TMEM130: variants seen among roughly 807,000 people sequenced by gnomAD.
TMEM130 encodes transmembrane protein 130.
Under a neutral mutation model 42.9 loss-of-function variants are expected in TMEM130, and 37 were observed. The observed-to-expected ratio is 0.86, with a 90% CI of 0.66 to 1.13. The LOEUF (loss-of-function observed/expected upper bound fraction) is 1.13, where lower values mean the gene tolerates loss of function less well. Ranked by LOEUF, TMEM130 falls within the 50% of genes most tolerant of loss-of-function variation. The pLI is 0.00. For missense variants in TMEM130, 545 were observed against 562.6 expected (o/e 0.97, Z 0.32); for synonymous variants, 259 against 237.7 (o/e 1.09, Z -0.82).
chr7:98,869,744 G>A lies in TMEM130; in HGVS notation c.85+33C>T. On this transcript the variant is annotated intron_variant, in intron 1 of 7. Coordinates refer to ENST00000339375, the MANE Select transcript of TMEM130 (RefSeq NM_152913.3). The surrounding 1 kb of genome is among the most constrained non-coding windows in gnomAD (Gnocchi z 4.7). ...GGTTCCAGGCCCCGGGCGGGCTGCG[G>A]CTGCAGGGAGGCCGGATTGCCCAGC... 1 of 1,344,762 alleles carries A rather than the reference G, an allele frequency of 7.4e-7. No homozygotes were observed. The highest frequency in any genetic ancestry group is 9.6e-7 in the Non-Finnish European group (1 of 1,047,102). The allele number at this position is 1,344,762 out of a possible 1,614,324, so 83.3% of individuals were successfully genotyped here. A position where few individuals can be genotyped will look rare whatever the true frequency, so the allele number is the denominator to read the frequency against.
chr7:98,848,362 C>G (rs1794410558), intron 7 of TMEM130, 154 bp from the exon 8 acceptor site: 1 of 903,446 alleles, frequency 1.1e-6, no homozygotes, highest in African/African-American at 1.7e-5. Flanking sequence ...TGGCACCACA[C>G]AGATGCAAGA....
In TMEM130 at chr7:98,855,997, C is replaced by A; in HGVS notation, c.718+20G>T. 1 of 1,609,672 alleles carries A rather than the reference C, an allele frequency of 6.2e-7. No homozygotes were observed. The highest frequency in any genetic ancestry group is 1.3e-5 in the African/African-American group (1 of 75,050). ...CCACTCTGGAACGCCCAGACTGCAT[C>A]AGCCTGCCTGGACACCCACCCTGCA... On this transcript the variant is annotated intron_variant, in intron 4 of 7. Coordinates refer to ENST00000339375, the MANE Select transcript of TMEM130 (RefSeq NM_152913.3).
chr7:98,859,067 G>GA (rs2116103332), intron 3 of TMEM130, among the ~76,000 whole-genome samples: 1 of 127,226 alleles, frequency 7.9e-6, no homozygotes, highest in South Asian at 2.8e-4. Flanking sequence ...AAAGAAAAAA[G>GA]AAAAAGGAAA....
intron 6 of TMEM130, among the ~76,000 whole-genome samples, chr7:98,849,696 C>T (rs576309155): frequency 6.6e-6 from 1 of 152,278 alleles, no homozygotes; most frequent in East Asian, 1.9e-4. Flanking sequence ...TTGGCATGAG[C>T]TTGGGAGCAC....
chr7:98,861,144 C>T (rs912833232), intron 2 of TMEM130, among the ~76,000 whole-genome samples: 1 of 151,026 alleles, frequency 6.6e-6, no homozygotes, highest in Non-Finnish European at 1.5e-5. Flanking sequence ...ACCAACCTGA[C>T]TAACACAGTG....
At chr7:98,855,400 C>A in intron 4 of TMEM130, 76 bp from the exon 5 acceptor site, 1 of 1,315,750 alleles carries the variant, frequency 7.6e-7, no homozygotes. Flanking sequence ...CAGGGTGGTG[C>A]GACTGCCACC....
At chr7:98,857,818 C>T (rs1286614308) in intron 3 of TMEM130, among the ~76,000 whole-genome samples, 4 of 150,750 alleles carry the variant, frequency 2.7e-5, no homozygotes, top group Non-Finnish European at 5.9e-5. Context: ...TCCTCCTACC[C>T]GGTTCAAACG....
At chr7:98,855,440 G>T in intron 4 of TMEM130, 116 bp from the exon 5 acceptor site, 1 of 913,260 alleles carries the variant, frequency 1.1e-6, no homozygotes, top group Non-Finnish European at 1.6e-6. Flanking sequence ...TCTCCTAAGA[G>T]CAGGCCACAG....
chr7:98,851,483 A>G lies in TMEM130; in HGVS notation c.944T>C (p.Ile315Thr), dbSNP rs782155533. 5.0e-6 allele frequency: 8 copies of G among 1,614,048 alleles called. No homozygotes were observed. Among genetic ancestry groups the G allele is most frequent in the Non-Finnish European group, 6.8e-6 (8 of 1,180,006 alleles). Residue 315 changes from isoleucine (I) to threonine (T), a missense_variant, in exon 6 of 8, where the codon ATC (isoleucine) becomes ACC (threonine). By Grantham distance (89) the Ile-to-Thr change is moderately conservative (BLOSUM62 -1). Coordinates refer to ENST00000339375, the MANE Select transcript of TMEM130 (RefSeq NM_152913.3). Reference sequence around the variant, plus strand: ...CTTGCTGATGATATTCTCGGCCCGGATGCTGAAGCAGTAGTCCCCAGGGTC... The same window carrying G: ...CTTGCTGATGATATTCTCGGCCCGGGTGCTGAAGCAGTAGTCCCCAGGGTC... ...FRDPGDYCFS[I>T]RAENIISKTH...
Position 98,863,652 on chromosome 7 carries a change from C to A in TMEM130, c.86-252G>T, listed in dbSNP as rs1794839970. On this transcript the variant is annotated intron_variant, in intron 1 of 7. Transcript: ENST00000339375. Reference sequence around the variant, plus strand: ...CTCCCTCCCTCCCTCCTTCTTCCTTCCCTCCTTCCTCCTTCCCTCCTTCCT... The same window carrying A: ...CTCCCTCCCTCCCTCCTTCTTCCTTACCTCCTTCCTCCTTCCCTCCTTCCT... Among the ~76,000 whole-genome samples the A allele has an allele frequency of 3.1e-5, 4 of 130,804 alleles. No individual in the cohort carries two copies. In the Admixed American group the frequency reaches 3.1e-4, roughly 10 times the overall value. 85.8% of individuals were successfully genotyped at this position (130,804 alleles called of 152,430 possible). A position where few individuals can be genotyped will look rare whatever the true frequency, so the allele number is the denominator to read the frequency against.
rs571949059 is a variant in TMEM130, at chr7:98,847,958, G to A, written c.*98C>T. On this transcript the variant is annotated 3_prime_UTR_variant, in exon 8 of 8. Coordinates refer to ENST00000339375, the MANE Select transcript of TMEM130 (RefSeq NM_152913.3). ...GGATGATCCAGGCCAACAGCCCCACGCAAATGAACCCCTCCTGGTCAGTGG... is the reference window on the plus strand; with the variant it reads ...GGATGATCCAGGCCAACAGCCCCACACAAATGAACCCCTCCTGGTCAGTGG... The A allele has an allele frequency of 8.4e-5, 102 of 1,214,570 alleles. No homozygotes were observed. In the African/African-American group the frequency reaches 1.2e-3, roughly 14 times the overall value. 75.2% of individuals were successfully genotyped at this position (1,214,570 alleles called of 1,614,324 possible). A position where few individuals can be genotyped will look rare whatever the true frequency, so the allele number is the denominator to read the frequency against.
intron 6 of TMEM130, among the ~76,000 whole-genome samples, chr7:98,850,273 A>ATATATATATTTTTT: frequency 2.0e-4 from 7 of 35,438 alleles, no homozygotes; most frequent in African/African-American, 2.3e-4. Flanking sequence ...ATATATATAT[A>ATATATATATTTTTT]TTTTTTTTTT....
intron 3 of TMEM130, 75 bp downstream of exon 3, chr7:98,860,104 G>C: frequency 7.7e-7 from 1 of 1,306,476 alleles, no homozygotes; most frequent in East Asian, 2.6e-5. Context: ...AAGAGATTCG[G>C]AGTACCCTGC....
intron 3 of TMEM130, among the ~76,000 whole-genome samples, chr7:98,859,891 AAAAAAT>A (rs1479170448): frequency 1.3e-5 from 2 of 151,800 alleles, no homozygotes; most frequent in Non-Finnish European, 2.9e-5. Context: ...TCTCTACTAA[AAAAAAT>A]AAAAATAAAA....
intron 6 of TMEM130, among the ~76,000 whole-genome samples, chr7:98,850,707 A>C (rs1164296036): frequency 4.6e-5 from 7 of 152,054 alleles, no homozygotes; most frequent in African/African-American, 1.4e-4. Context: ...TAGCCCAGGC[A>C]TCCTTATTAA....
chr7:98,869,788 C>A lies in TMEM130; in HGVS notation c.74G>T (p.Gly25Val). 7.0e-7 allele frequency: 1 copy of A among 1,426,406 alleles called. No individual in the cohort carries two copies. The highest frequency in any genetic ancestry group is 1.4e-5 in the South Asian group (1 of 69,538). 88.4% of individuals were successfully genotyped at this position (1,426,406 alleles called of 1,614,324 possible). ...LACLLPWAPA[G>V]VAAGLYELNL... ...GCCCAGCGCCTTACCTGCGGCCACC[C>A]CTGCCGGGGCCCAGGGCAGGAGGCA... The change falls in exon 1 of 8, where the codon GGG becomes GTG. Residue 25 changes from glycine (G) to valine (V), a missense_variant. Physicochemically the swap from Gly to Val is moderately radical, Grantham distance 109. Coordinates refer to ENST00000339375, the MANE Select transcript of TMEM130 (RefSeq NM_152913.3). The surrounding 1 kb of genome is among the most constrained non-coding windows in gnomAD (Gnocchi z 4.7).
At chr7:98,858,057 T>C (rs1006526727) in intron 3 of TMEM130, among the ~76,000 whole-genome samples, 10 of 152,042 alleles carry the variant, frequency 6.6e-5, no homozygotes, top group Non-Finnish European at 5.9e-5. Flanking sequence ...CAAAAACATA[T>C]TCTAAGTTCT....
Position 98,850,250 on chromosome 7 carries a change from C to CAT in TMEM130, c.1006+1169_1006+1170dup, listed in dbSNP as rs1179088568. Among the ~76,000 whole-genome samples, 137 of 64,346 alleles carry CAT rather than the reference C, an allele frequency of 2.1e-3. 11 individuals are homozygous for CAT. Among genetic ancestry groups the CAT allele is most frequent in the Middle Eastern group, 0.022 (2 of 90 alleles). The allele number at this position is 64,346 out of a possible 152,430, so 42.2% of individuals were successfully genotyped here. A position where few individuals can be genotyped will look rare whatever the true frequency, so the allele number is the denominator to read the frequency against. On this transcript the variant is annotated intron_variant, in intron 6 of 7. Coordinates refer to ENST00000339375, the MANE Select transcript of TMEM130 (RefSeq NM_152913.3). ...TCCCTCTCTCTCTCTCTGTCTCTCT[C>CAT]ATATATATATATATATATATATATT...
chr7:98,857,640 C>A (rs1226675890), intron 3 of TMEM130, among the ~76,000 whole-genome samples: 1 of 149,528 alleles, frequency 6.7e-6, no homozygotes, highest in Non-Finnish European at 1.5e-5. Flanking sequence ...GCGGAGGTTG[C>A]AGTGAGCAGT....
Sources: gnomAD v4.1 joint callset for allele counts (sites outside exome capture counted in the v4.1 genomes callset) on GRCh38, gnomAD v4.1.1 for gene constraint, Gnocchi (gnomAD v3.1) non-coding constraint, MANE v1.5 for transcripts, NCBI Gene and HGNC (gene_info 2026-07-23, HGNC 2026-07-21) for gene names.